Variants in PLB1 observed in about 807,000 individuals in gnomAD.
PLB1 encodes the protein phospholipase B1.
In PLB1, 242 loss-of-function variants were observed where a neutral mutation model predicts 227.4. That is an observed-to-expected ratio of 1.06 (90% CI 0.96 to 1.18). The LOEUF is 1.18. PLB1 is among the 50% of genes most tolerant of loss of function. The probability of loss-of-function intolerance (pLI) is 0.00; values close to 1 mark genes in which losing one functional copy is unlikely to be tolerated. For missense variants in PLB1, 1,858 were observed against 1,816.3 expected, an observed-to-expected ratio of 1.02 and a Z score of -0.42; for synonymous variants, 757 against 682.2, an observed-to-expected ratio of 1.11 and a Z score of -1.71.
At chr2:28,620,789 C>A in intron 48 of PLB1, 90 bp from the exon 49 acceptor site, 1 of 1,476,756 alleles carries the variant, frequency 6.8e-7, no homozygotes, top group Non-Finnish European at 9.5e-7. Context: ...GTGTCCCACC[C>A]ATGTCCCCAC....
chr2:28,550,170 G>GGT, intron 16 of PLB1, 86 bp downstream of exon 16: 1 of 737,544 alleles, frequency 1.4e-6, no homozygotes. Flanking sequence ...CTTCCACGTG[G>GGT]TTTTTTTTTT....
chr2:28,513,270 A>G (rs1259891448), intron 1 of PLB1, among the ~76,000 whole-genome samples: 2 of 152,208 alleles, frequency 1.3e-5, no homozygotes, highest in African/African-American at 4.8e-5. Context: ...GCAGGCAGTT[A>G]GGGAGGAACA....
intron 34 of PLB1, among the ~76,000 whole-genome samples, 171 bp downstream of exon 34, chr2:28,598,219 C>G (rs893554395): frequency 6.6e-6 from 1 of 152,100 alleles, no homozygotes. Context: ...AAATAAACAC[C>G]AGATTTAGAG....
At chr2:28,579,573 CCTTGA>C in intron 22 of PLB1, 49 bp from the exon 23 acceptor site, 1 of 1,444,478 alleles carries the variant, frequency 6.9e-7, no homozygotes, top group Non-Finnish European at 9.7e-7. Flanking sequence ...TTTGTGTTTT[CCTTGA>C]CTTGACTCTG....
At chr2:28,574,546 C>G (rs1425977491) in intron 21 of PLB1, among the ~76,000 whole-genome samples, 2 of 111,544 alleles carry the variant, frequency 1.8e-5, no homozygotes, top group Non-Finnish European at 3.9e-5. Context: ...CCATTCCCGG[C>G]TAATTTTTTT....
Position 28,525,914 on chromosome 2 carries a change from G to A in PLB1, c.294G>A (p.Arg98=), listed in dbSNP as rs1317693690. 1.9e-6 allele frequency: 3 copies of A among 1,613,966 alleles called. No homozygotes were observed. The African/African-American group carries it at 4.0e-5, about 22-fold the overall frequency. ...CTGCTTCTACCTGCAGGACTGAAAGGCCACAGCAGGTGTGCATGGGAGTGA... is the reference window on the plus strand; with the variant it reads ...CTGCTTCTACCTGCAGGACTGAAAGACCACAGCAGGTGTGCATGGGAGTGA... ...GDLEKQDWTE[R]PQQVCMGVMT... is the part of the protein sequence containing the mutation. The change falls in exon 6 of 58, where the codon AGG becomes AGA. Residue 98 remains arginine, a synonymous_variant. Coordinates refer to ENST00000327757, the MANE Select transcript of PLB1 (RefSeq NM_153021.5).
At chr2:28,516,149 A>G (rs1298218160) in intron 1 of PLB1, among the ~76,000 whole-genome samples, 1 of 152,258 alleles carries the variant, frequency 6.6e-6, no homozygotes, top group Non-Finnish European at 1.5e-5. Flanking sequence ...TACACTTAAA[A>G]TGAATTTAAT....
rs1454813522 is a variant in PLB1 at position 28,552,120 on chromosome 2, T to G, written c.1084-808T>G. ...AGCACAATGGTACTATAATAGGTAC[T>G]GTAATGCATGTTTTCATGGGGTATT... On this transcript the variant is annotated intron_variant, in intron 16 of 57. Coordinates refer to ENST00000327757, the MANE Select transcript of PLB1 (RefSeq NM_153021.5). Among the ~76,000 whole-genome samples, 3 of 152,342 alleles carry G rather than the reference T, an allele frequency of 2.0e-5. No individual in the cohort carries two copies. In the East Asian group the frequency reaches 5.8e-4, roughly 29 times the overall value.
intron 2 of PLB1, among the ~76,000 whole-genome samples, chr2:28,517,646 G>A (rs1457358654): frequency 1.3e-5 from 2 of 152,038 alleles, no homozygotes; most frequent in African/African-American, 2.4e-5. Flanking sequence ...AATATAGCAT[G>A]GAATATAAAA....
intron 4 of PLB1, among the ~76,000 whole-genome samples, chr2:28,524,844 CT>C (rs779955635): frequency 0.011 from 1,150 of 106,544 alleles, 5 homozygotes; most frequent in African/African-American, 0.026. Flanking sequence ...CTCTCTCTCT[CT>C]TTTTTTTTTT....
At chr2:28,544,954 C>G (rs1325556671) in intron 14 of PLB1, among the ~76,000 whole-genome samples, 1 of 152,152 alleles carries the variant, frequency 6.6e-6, no homozygotes, top group Non-Finnish European at 1.5e-5. Context: ...CTATCCCTTT[C>G]TCCTTTCATC....
At chr2:28,614,291 C>T (rs572094906) in intron 44 of PLB1, among the ~76,000 whole-genome samples, 195 bp downstream of exon 44, 4 of 152,130 alleles carry the variant, frequency 2.6e-5, no homozygotes, top group Non-Finnish European at 4.4e-5. Flanking sequence ...AAGTTGCTTA[C>T]CTGACGTCAG....
At chr2:28,572,367 T>C (rs1678155143) in intron 20 of PLB1, among the ~76,000 whole-genome samples, 1 of 152,174 alleles carries the variant, frequency 6.6e-6, no homozygotes, top group Non-Finnish European at 1.5e-5. Flanking sequence ...TTAAACAGGG[T>C]GAGGGTTAGA....
chr2:28,588,962 G>A (rs957012392), intron 26 of PLB1, among the ~76,000 whole-genome samples: 8 of 151,928 alleles, frequency 5.3e-5, no homozygotes, highest in Non-Finnish European at 8.8e-5. Context: ...TCAGGAGTTC[G>A]AGACCAGCCT....
intron 26 of PLB1, among the ~76,000 whole-genome samples, chr2:28,586,059 A>T (rs1680856924): frequency 6.6e-6 from 1 of 152,180 alleles, no homozygotes; most frequent in Admixed American, 6.5e-5. Flanking sequence ...TGACCCACTG[A>T]ATCTCAGTTC....
chr2:28,543,061 GT>G (rs1672730923), intron 13 of PLB1, 150 bp from the exon 14 acceptor site: 16 of 737,016 alleles, frequency 2.2e-5, no homozygotes, highest in Admixed American at 5.9e-5. Context: ...GGTCCCATAA[GT>G]GCCCCTGTTA....
Position 28,529,859 on chromosome 2 carries a change from T to A in PLB1, c.468+80T>A, listed in dbSNP as rs562485624. ...GGGCAGACCGAAGTGATGATGACCC[T>A]CGTACCATTTTACCATGAACTCGGC... On this transcript the variant is annotated intron_variant, in intron 8 of 57. Coordinates refer to ENST00000327757, the MANE Select transcript of PLB1 (RefSeq NM_153021.5). 1.8e-4 allele frequency: 261 copies of A among 1,411,154 alleles called. 2 individuals are homozygous for A. In the South Asian group the frequency reaches 2.8e-3, roughly 15 times the overall value. 87.4% of individuals were successfully genotyped at this position (1,411,154 alleles called of 1,614,324 possible).
chr2:28,546,450 C>G (rs1572889908), intron 14 of PLB1, among the ~76,000 whole-genome samples: 1 of 152,168 alleles, frequency 6.6e-6, no homozygotes, highest in South Asian at 2.1e-4. Flanking sequence ...TCACCCCTCC[C>G]ACACTGCAGT....
intron 39 of PLB1, 21 bp from the exon 40 acceptor site, chr2:28,603,945 T>C (rs920165067): frequency 1.2e-6 from 2 of 1,611,512 alleles, no homozygotes; most frequent in Admixed American, 1.7e-5. Context: ...TGGGGCCTCC[T>C]GCCTCCCCCT....
Sources: allele counts gnomAD v4.1 joint callset (sites outside exome capture counted in the v4.1 genomes callset), GRCh38; gene constraint gnomAD v4.1.1; transcripts MANE v1.5; gene names NCBI Gene and HGNC (gene_info 2026-07-23, HGNC 2026-07-21).